Variants in DDX10 observed in about 807,000 individuals in gnomAD.
DDX10 encodes the protein DEAD-box helicase 10, also known as probable ATP-dependent RNA helicase DDX10.
A neutral mutation model predicts 104.3 loss-of-function variants in DDX10; 74 were observed. That is an observed-to-expected ratio of 0.71 (90% CI 0.59 to 0.86). The LOEUF (loss-of-function observed/expected upper bound fraction) is 0.86, where lower values mean the gene tolerates loss of function less well. Ranked by LOEUF, DDX10 falls within the 40% of genes least tolerant of loss-of-function variation. DDX10 has a pLI of 0.00. For missense variants in DDX10, 952 were observed against 1,040.0 expected (o/e 0.92, Z 1.16); for synonymous variants, 351 against 353.4 (o/e 0.99, Z 0.08).
At chr11:108,849,079 G>A (rs1183320707) in intron 15 of DDX10, among the ~76,000 whole-genome samples, 1 of 152,098 alleles carries the variant, frequency 6.6e-6, no homozygotes, top group Non-Finnish European at 1.5e-5. Flanking sequence ...GCAAAACTCT[G>A]TAAAATAGGT....
At chr11:108,711,561 G>A (rs937502465) in intron 10 of DDX10, among the ~76,000 whole-genome samples, 4 of 152,164 alleles carry the variant, frequency 2.6e-5, no homozygotes, top group South Asian at 2.1e-4. Context: ...TTGAACTCCC[G>A]ACCCCAGGTG....
rs551378268 is a variant in DDX10 at position 108,904,725 on chromosome 11, G to GT, written c.2305-13136dup. Among the ~76,000 whole-genome samples, 488 of 145,426 alleles carry GT rather than the reference G, an allele frequency of 3.4e-3. 3 individuals are homozygous for GT. The highest frequency in any genetic ancestry group is 9.4e-3 in the African/African-American group (376 of 39,848). ...ATAGATCTCAACTAGTTCCGTCAGG[G>GT]TTTTTTTTTTTTCCCCTGAGATATG... On this transcript the variant is annotated intron_variant, in intron 16 of 17. Transcript: ENST00000322536.
At chr11:108,794,833 T>TC (rs1491486096) in intron 13 of DDX10, among the ~76,000 whole-genome samples, 1 of 144,308 alleles carries the variant, frequency 6.9e-6, no homozygotes, top group Non-Finnish European at 1.5e-5. Context: ...TCTCTCTCTC[T>TC]TTTTTTTTTT....
intron 13 of DDX10, among the ~76,000 whole-genome samples, chr11:108,803,305 T>C (rs2134560157): frequency 6.6e-6 from 1 of 151,822 alleles, no homozygotes; most frequent in East Asian, 1.9e-4. Context: ...AGAATCTTTG[T>C]TTTTCAGGCC....
chr11:108,781,415 T>C (rs909376313), intron 13 of DDX10, among the ~76,000 whole-genome samples: 2 of 152,186 alleles, frequency 1.3e-5, no homozygotes, highest in African/African-American at 4.8e-5. Flanking sequence ...TTCCTCTGGG[T>C]ATGAACCCAG....
At chr11:108,823,143 G>A (rs541405023) in intron 13 of DDX10, among the ~76,000 whole-genome samples, 1 of 152,080 alleles carries the variant, frequency 6.6e-6, no homozygotes, top group East Asian at 1.9e-4. Flanking sequence ...CCACTATATG[G>A]CTTTGCACAC....
chr11:108,891,725 C>T (rs1863378594), intron 16 of DDX10, among the ~76,000 whole-genome samples: 1 of 152,096 alleles, frequency 6.6e-6, no homozygotes, highest in Non-Finnish European at 1.5e-5. Flanking sequence ...AAGTATGCTA[C>T]ACGTATAAAA....
chr11:108,846,842 C>A (rs1862725795), intron 15 of DDX10, among the ~76,000 whole-genome samples: 1 of 151,798 alleles, frequency 6.6e-6, no homozygotes, highest in Non-Finnish European at 1.5e-5. Flanking sequence ...CCAGACCAGA[C>A]CAGACCAGAC....
At position 108,869,181 on chromosome 11, in the gene DDX10, C is replaced by T. The variant is rs187596938; in HGVS notation, c.2304+16972C>T. On this transcript the variant is annotated intron_variant, in intron 16 of 17. Transcript: ENST00000322536. The stretch of plus-strand genomic sequence containing the variant: ...ACACAATTCTAAACTCTGGTTCTTT[C>T]ATTTTTAAACCCGTTGTTTTTTTTT... Among the ~76,000 whole-genome samples the T allele has an allele frequency of 1.0e-4, 12 of 119,702 alleles. No individual in the cohort carries two copies. In the Admixed American group the frequency reaches 1.2e-3, roughly 12 times the overall value. The allele number at this position is 119,702 out of a possible 152,430, so 78.5% of individuals were successfully genotyped here. A position where few individuals can be genotyped will look rare whatever the true frequency, so the allele number is the denominator to read the frequency against.
chr11:108,838,801 C>T (rs916238553), intron 14 of DDX10, among the ~76,000 whole-genome samples: 2 of 152,280 alleles, frequency 1.3e-5, no homozygotes, highest in East Asian at 1.9e-4. Context: ...TGGTTTTGAA[C>T]TTTCTAGATT....
intron 9 of DDX10, among the ~76,000 whole-genome samples, chr11:108,694,882 A>G (rs1344994802): frequency 6.6e-6 from 1 of 152,202 alleles, no homozygotes; most frequent in East Asian, 1.9e-4. Context: ...CTCTGTCTCA[A>G]AAACAACAAA....
chr11:108,933,049 A>G (rs961085036), intron 17 of DDX10, among the ~76,000 whole-genome samples: 1 of 151,964 alleles, frequency 6.6e-6, no homozygotes, highest in African/African-American at 2.4e-5. Context: ...AGGGTAAGTC[A>G]AACGTTATTC....
chr11:108,766,642 T>G (rs773364116), intron 13 of DDX10, among the ~76,000 whole-genome samples: 1 of 152,214 alleles, frequency 6.6e-6, no homozygotes, highest in African/African-American at 2.4e-5. Context: ...CAAAACGATA[T>G]GGAGGAAATT....
At chr11:108,917,642 G>T (rs1164694372) in intron 16 of DDX10, among the ~76,000 whole-genome samples, 1 of 152,134 alleles carries the variant, frequency 6.6e-6, no homozygotes, top group Non-Finnish European at 1.5e-5. Flanking sequence ...TGTGTTTAAA[G>T]GACTGAATAG....
At chr11:108,738,970 A>G (rs1854753387) in intron 13 of DDX10, among the ~76,000 whole-genome samples, 1 of 152,168 alleles carries the variant, frequency 6.6e-6, no homozygotes, top group African/African-American at 2.4e-5. Flanking sequence ...GCTCAAGCTT[A>G]GGAGACCCCT....
chr11:108,690,086 G>A (rs1340762596), intron 7 of DDX10, among the ~76,000 whole-genome samples: 4 of 151,824 alleles, frequency 2.6e-5, no homozygotes, highest in South Asian at 2.1e-4. Context: ...TTCAAGGACC[G>A]ATTTTAGATT....
intron 10 of DDX10, among the ~76,000 whole-genome samples, chr11:108,710,415 T>G (rs530569502): frequency 6.6e-6 from 1 of 152,204 alleles, no homozygotes; most frequent in East Asian, 1.9e-4. Context: ...CTCTACAAGC[T>G]TTTTTTGGTT....
At chr11:108,688,606 G>A (rs990719608) in intron 6 of DDX10, among the ~76,000 whole-genome samples, 9 of 152,096 alleles carry the variant, frequency 5.9e-5, no homozygotes, top group African/African-American at 1.9e-4. Context: ...GTAATCTAAA[G>A]CCCTAATGAG....
At chr11:108,832,755 TTAAC>T (rs1178603671) in intron 13 of DDX10, among the ~76,000 whole-genome samples, 1 of 152,226 alleles carries the variant, frequency 6.6e-6, no homozygotes, top group Non-Finnish European at 1.5e-5. Flanking sequence ...ATTTCAAAAT[TTAAC>T]TATACATACT....
Sources: allele counts gnomAD v4.1 joint callset (sites outside exome capture counted in the v4.1 genomes callset), GRCh38; gene constraint gnomAD v4.1.1; transcripts MANE v1.5; gene names NCBI Gene and HGNC (gene_info 2026-07-23, HGNC 2026-07-21).